The following TMEM254 variants were observed in gnomAD, a reference collection of about 807,000 sequenced individuals.
TMEM254 encodes transmembrane protein 254, also known as transmembrane protein C10orf57.
In TMEM254, 16 loss-of-function variants were observed where a neutral mutation model predicts 13.9. That is an observed-to-expected ratio of 1.15 (90% CI 0.78 to 1.75). TMEM254 has a LOEUF of 1.75. Among genes scored for constraint, TMEM254 ranks in the 40% most tolerant of loss-of-function variants. The pLI, the probability that TMEM254 is intolerant of heterozygous loss-of-function variation, is 0.00. For missense variants in TMEM254, 155 were observed against 149.0 expected, an observed-to-expected ratio of 1.04 and a Z score of -0.21; for synonymous variants, 61 against 56.4, an observed-to-expected ratio of 1.08 and a Z score of -0.36.
Position 80,079,126 on chromosome 10 carries a change from T to A in TMEM254, c.87+340T>A, listed in dbSNP as rs1241162162. 1.3e-5 allele frequency: 17 copies of A among 1,315,850 alleles called. No homozygotes were observed. The South Asian group carries it at 2.0e-4, about 15-fold the overall frequency. 81.5% of individuals were successfully genotyped at this position (1,315,850 alleles called of 1,614,324 possible). On this transcript the variant is annotated intron_variant, in intron 1 of 3. Transcript: ENST00000372281. ...GCCAGCAATGCGGCTACCGCCTATT[T>A]CCGTCCAGCAAGACCCTTGCCCTCT...
intron 1 of TMEM254, 89 bp downstream of exon 1, chr10:80,078,875 G>T: frequency 6.5e-7 from 1 of 1,535,088 alleles, no homozygotes. Flanking sequence ...CGCGGGCCGG[G>T]GGAAGTCGTG....
intron 3 of TMEM254, chr10:80,086,242 T>C (rs1844307345): frequency 2.0e-6 from 3 of 1,475,272 alleles, no homozygotes; most frequent in Non-Finnish European, 2.7e-6. Flanking sequence ...CAAAATGAGC[T>C]AAGAATACGG....
chr10:80,082,264 C>G, intron 3 of TMEM254, 60 bp downstream of exon 3: 1 of 1,572,044 alleles, frequency 6.4e-7, no homozygotes, highest in Non-Finnish European at 8.8e-7. Context: ...AAATTGAGAG[C>G]AGCCACATTT....
At position 80,078,787 on chromosome 10, in the gene TMEM254, G is replaced by A. The variant is rs775879676; in HGVS notation, c.87+1G>A. 1.4e-4 allele frequency: 219 copies of A among 1,600,598 alleles called. 2 individuals carry two copies. In the South Asian group the frequency reaches 2.2e-3, roughly 16 times the overall value. ...CACCCTCAGCTTTGGCTACTACACA[G>A]TAAGGACAGCCGCTGGAGCGCTACG... On this transcript the variant is annotated splice_donor_variant, in intron 1 of 3. Transcript: ENST00000372281. LOFTEE classifies it high-confidence loss of function.
chr10:80,089,793 A>G (rs911445290), intron 3 of TMEM254, among the ~76,000 whole-genome samples: 11 of 151,946 alleles, frequency 7.2e-5, no homozygotes, highest in Non-Finnish European at 1.5e-4. Flanking sequence ...CACGAGGTCA[A>G]GAGATCGAGA....
In TMEM254 at chr10:80,082,189, C is replaced by T; in HGVS notation, c.236C>T (p.Ala79Val). The T allele has an allele frequency of 6.2e-7, 1 of 1,614,014 alleles. No homozygotes were observed. The highest frequency in any genetic ancestry group is 2.2e-5 in the East Asian group (1 of 44,872). ...WLIHVGESLY[A>V]IVLCKHKGIT... ...ATTCATGTGGGAGAGTCCTTGTATG[C>T]CATAGTATTGTGCAAGTAAGTCTTT... The change falls in exon 3 of 4, where the codon GCC becomes GTC. Residue 79 changes from alanine (A) to valine (V), a missense_variant. Physicochemically the swap from Ala to Val is moderately conservative, Grantham distance 64 (BLOSUM62 0). Coordinates refer to ENST00000372281, the MANE Select transcript of TMEM254 (RefSeq NM_025125.4).
chr10:80,084,409 C>T (rs1844209567), intron 3 of TMEM254, among the ~76,000 whole-genome samples: 1 of 152,186 alleles, frequency 6.6e-6, no homozygotes, highest in African/African-American at 2.4e-5. Context: ...TGTTCAGTGC[C>T]TTCTCCAGGA....
At chr10:80,088,547 T>C (rs1015708594) in intron 3 of TMEM254, among the ~76,000 whole-genome samples, 5 of 151,558 alleles carry the variant, frequency 3.3e-5, no homozygotes, top group African/African-American at 1.2e-4. Flanking sequence ...CTTTAATATA[T>C]ATATAATTTT....
chr10:80,079,003 C>A (rs1216514688), intron 1 of TMEM254: 1 of 1,535,708 alleles, frequency 6.5e-7, no homozygotes, highest in African/African-American at 1.4e-5. Context: ...CCCTGAGAAA[C>A]CGGCTAGCCA....
chr10:80,085,006 G>C (rs1844240120), intron 3 of TMEM254, among the ~76,000 whole-genome samples: 1 of 151,786 alleles, frequency 6.6e-6, no homozygotes, highest in African/African-American at 2.4e-5. Context: ...ATTTTTAGTA[G>C]AGACAGAGTT....
intron 1 of TMEM254, chr10:80,079,729 T>C: frequency 4.1e-6 from 4 of 984,586 alleles, no homozygotes; most frequent in Non-Finnish European, 4.8e-6. Flanking sequence ...TTGTGTTTTT[T>C]TGAGACGGAG....
chr10:80,091,646 A>T lies in TMEM254; in HGVS notation c.*729A>T, dbSNP rs1037844658. 2.6e-5 allele frequency: 4 copies of T among 152,276 alleles called. No homozygotes were observed. The highest frequency in any genetic ancestry group is 4.4e-5 in the Non-Finnish European group (3 of 68,108). 9.4% of individuals were successfully genotyped at this position (152,276 alleles called of 1,614,324 possible). A position where few individuals can be genotyped will look rare whatever the true frequency, so the allele number is the denominator to read the frequency against. The stretch of plus-strand genomic sequence containing the variant: ...GTGCAGGGCCTGATGGCACTGCTAG[A>T]TTGCTCCTTCAGCTCAGGGCCACAG... On this transcript the variant is annotated 3_prime_UTR_variant, in exon 4 of 4. Coordinates refer to ENST00000372281, the MANE Select transcript of TMEM254 (RefSeq NM_025125.4).
rs868683347 is a variant in TMEM254, at chr10:80,081,640, C to T, written c.88-201C>T. 2.6e-6 allele frequency: 4 copies of T among 1,511,952 alleles called. No homozygotes were observed. In the Middle Eastern group the frequency reaches 5.6e-4, roughly 211 times the overall value. The allele number at this position is 1,511,952 out of a possible 1,614,324, so 93.7% of individuals were successfully genotyped here. On this transcript the variant is annotated intron_variant, in intron 1 of 3. Transcript: ENST00000372281. ...TCATGATCATGCCACTGCACTCCAG[C>T]CCCAGCAGCGGAGTGAGACCCTGTC...
At chr10:80,079,724 T>G in intron 1 of TMEM254, 1 of 984,542 alleles carries the variant, frequency 1.0e-6, no homozygotes, top group Non-Finnish European at 1.2e-6. Flanking sequence ...TAGTTTTGTG[T>G]TTTTTTGAGA....
At chr10:80,079,887 G>A (rs927980826) in intron 1 of TMEM254, among the ~76,000 whole-genome samples, 4 of 152,192 alleles carry the variant, frequency 2.6e-5, no homozygotes, top group Non-Finnish European at 4.4e-5. Flanking sequence ...TAGTAGACAT[G>A]GGTATTGGTG....
chr10:80,078,998 A>C, intron 1 of TMEM254: 1 of 1,538,148 alleles, frequency 6.5e-7, no homozygotes, highest in Non-Finnish European at 8.8e-7. Flanking sequence ...CAGGGCCCTG[A>C]GAAACCGGCT....
At chr10:80,085,391 T>A (rs1316019644) in intron 3 of TMEM254, among the ~76,000 whole-genome samples, 1 of 151,402 alleles carries the variant, frequency 6.6e-6, no homozygotes, top group African/African-American at 2.4e-5. Context: ...TGAAACTCTG[T>A]CTCTACTAAA....
At chr10:80,085,880 A>C (rs1844291239) in intron 3 of TMEM254, among the ~76,000 whole-genome samples, 1 of 152,162 alleles carries the variant, frequency 6.6e-6, no homozygotes, top group Non-Finnish European at 1.5e-5. Flanking sequence ...TTATTCTCTT[A>C]GTTCAGAAAT....
intron 3 of TMEM254, chr10:80,090,240 CA>C: frequency 1.7e-6 from 1 of 595,502 alleles, no homozygotes; most frequent in Non-Finnish European, 3.1e-6. Flanking sequence ...TCATTTTAGG[CA>C]GTTGAATTTG....
Sources: allele counts gnomAD v4.1 joint callset (sites outside exome capture counted in the v4.1 genomes callset), GRCh38; gene constraint gnomAD v4.1.1; transcripts MANE v1.5; gene names NCBI Gene and HGNC (gene_info 2026-07-23, HGNC 2026-07-21).